The following ULK4 variants were observed in gnomAD, a reference collection of about 807,000 sequenced individuals.
ULK4 encodes inactive serine/threonine-protein kinase ULK4.
A neutral mutation model predicts 160.6 loss-of-function variants in ULK4; 133 were observed. That is an observed-to-expected ratio of 0.83 (90% CI 0.72 to 0.96). ULK4 has a LOEUF of 0.96. Among genes scored for constraint, ULK4 ranks in the 40% least tolerant of loss-of-function variants. The probability of loss-of-function intolerance (pLI) is 0.00; values close to 1 mark genes in which losing one functional copy is unlikely to be tolerated. For synonymous variants in ULK4, 534 were observed against 539.8 expected (o/e 0.99, Z 0.15); for missense variants, 1,580 against 1,499.5 (o/e 1.05, Z -0.89).
chr3:41,716,988 TA>T (rs1178149626), intron 23 of ULK4, among the ~76,000 whole-genome samples: 2 of 152,058 alleles, frequency 1.3e-5, no homozygotes, highest in Non-Finnish European at 2.9e-5. Context: ...TTGTGGGAGT[TA>T]AAAAATGATT....
intron 18 of ULK4, among the ~76,000 whole-genome samples, chr3:41,833,334 C>T (rs751651166): frequency 1.0e-4 from 15 of 146,474 alleles, no homozygotes; most frequent in Non-Finnish European, 1.6e-4. Context: ...CTTGCTCTGT[C>T]GCCCAGGCTG....
chr3:41,312,829 T>G (rs2080077390), intron 35 of ULK4, among the ~76,000 whole-genome samples: 1 of 151,704 alleles, frequency 6.6e-6, no homozygotes, highest in African/African-American at 2.4e-5. Flanking sequence ...CAAAAACTAA[T>G]CAACCAAACA....
At chr3:41,343,778 C>G (rs55726924) in intron 35 of ULK4, among the ~76,000 whole-genome samples, 8,605 of 152,136 alleles carry the variant, frequency 0.057, 593 homozygotes, top group East Asian at 0.2. Flanking sequence ...AAATACCCAG[C>G]AATAGAGCTA....
rs542219438 is a variant in ULK4 at position 41,376,856 on chromosome 3, C to T, written c.3678+21223G>A. Among the ~76,000 whole-genome samples, 115 of 149,964 alleles carry T rather than the reference C, an allele frequency of 7.7e-4. 10 individuals carry two copies. The highest frequency in any genetic ancestry group is 2.8e-3 in the African/African-American group (112 of 40,132). On this transcript the variant is annotated intron_variant, in intron 35 of 36. Transcript: ENST00000301831. ...AACAAGCTACCAATGACTTTCTTCA[C>T]AGAATTGGAAAAAACTACTTTCAAG...
chr3:41,559,458 T>C (rs1452167976), intron 32 of ULK4, among the ~76,000 whole-genome samples: 3 of 149,764 alleles, frequency 2.0e-5, no homozygotes, highest in African/African-American at 7.3e-5. Context: ...CACACTGTCT[T>C]CCACAATGGT....
At chr3:41,372,487 T>C (rs1465761288) in intron 35 of ULK4, among the ~76,000 whole-genome samples, 1 of 152,184 alleles carries the variant, frequency 6.6e-6, no homozygotes, top group Non-Finnish European at 1.5e-5. Context: ...TGGGGGCCAA[T>C]ATTCAACATT....
At chr3:41,943,138 G>A (rs1427471820) in intron 2 of ULK4, among the ~76,000 whole-genome samples, 14 of 151,050 alleles carry the variant, frequency 9.3e-5, no homozygotes, top group Non-Finnish European at 1.5e-4. Context: ...GCGTGAACCC[G>A]GCAGGCGGAG....
At chr3:41,573,036 C>G (rs555824524) in intron 31 of ULK4, among the ~76,000 whole-genome samples, 2 of 152,286 alleles carry the variant, frequency 1.3e-5, no homozygotes, top group South Asian at 2.1e-4. Flanking sequence ...TCATCCATAA[C>G]CCATAAGCCC....
chr3:41,484,073 C>T (rs2084420358), intron 32 of ULK4, among the ~76,000 whole-genome samples: 1 of 152,134 alleles, frequency 6.6e-6, no homozygotes, highest in South Asian at 2.1e-4. Flanking sequence ...AAGGAAGTAG[C>T]GAACATAATT....
chr3:41,823,900 C>T (rs555477157), intron 18 of ULK4, among the ~76,000 whole-genome samples: 24 of 152,216 alleles, frequency 1.6e-4, no homozygotes, highest in Admixed American at 3.9e-4. Flanking sequence ...TGGTGGCTCA[C>T]GCCTATAATC....
At chr3:41,534,851 G>C (rs2086443365) in intron 32 of ULK4, among the ~76,000 whole-genome samples, 1 of 152,106 alleles carries the variant, frequency 6.6e-6, no homozygotes. Flanking sequence ...GCCTATATAT[G>C]AGAAAAGTTA....
chr3:41,640,500 C>G (rs192156879), intron 30 of ULK4, among the ~76,000 whole-genome samples: 2 of 152,322 alleles, frequency 1.3e-5, no homozygotes, highest in East Asian at 3.9e-4. Context: ...GCCTAAGGCT[C>G]TTCCTAGCAA....
At chr3:41,686,801 A>G (rs74350535) in intron 27 of ULK4, among the ~76,000 whole-genome samples, 3,446 of 152,314 alleles carry the variant, frequency 0.023, 116 homozygotes, top group African/African-American at 0.073. Context: ...AACACAGTTA[A>G]GTATGACTAC....
chr3:41,428,825 A>G (rs1428330477), intron 34 of ULK4, among the ~76,000 whole-genome samples: 1 of 152,214 alleles, frequency 6.6e-6, no homozygotes, highest in East Asian at 1.9e-4. Flanking sequence ...AACCTAGGCA[A>G]TACCATTCAG....
intron 30 of ULK4, among the ~76,000 whole-genome samples, chr3:41,619,086 TA>T (rs1426540170): frequency 1.1e-4 from 16 of 152,256 alleles, no homozygotes; most frequent in Non-Finnish European, 2.9e-5. Flanking sequence ...CTACCTGTGC[TA>T]AATATATATG....
chr3:41,686,406 C>T (rs1163298407), intron 27 of ULK4, among the ~76,000 whole-genome samples: 2 of 152,044 alleles, frequency 1.3e-5, no homozygotes, highest in Non-Finnish European at 2.9e-5. Flanking sequence ...TGTTTAATCA[C>T]CAGAAACAAA....
At chr3:41,390,511 T>C (rs1010340559) in intron 35 of ULK4, among the ~76,000 whole-genome samples, 6 of 152,204 alleles carry the variant, frequency 3.9e-5, no homozygotes, top group Non-Finnish European at 8.8e-5. Flanking sequence ...TTTAGTGCTA[T>C]AAATTTCCCT....
At position 41,717,870 on chromosome 3, in the gene ULK4, A is replaced by G. The variant is rs1353949835; in HGVS notation, c.2322-9T>C. ...CGATGTACATCACCAGTCTACATAC[A>G]GGAAAGTGCAAAGATTACCTCTCAT... On this transcript the variant is annotated splice_polypyrimidine_tract_variant and intron_variant, in intron 22 of 36. Transcript: ENST00000301831. 1 of 1,613,242 alleles carries G rather than the reference A, an allele frequency of 6.2e-7. No individual in the cohort carries two copies. Among genetic ancestry groups the G allele is most frequent in the Non-Finnish European group, 8.5e-7 (1 of 1,179,358 alleles).
At chr3:41,666,631 C>T (rs2035359391) in intron 29 of ULK4, among the ~76,000 whole-genome samples, 1 of 152,144 alleles carries the variant, frequency 6.6e-6, no homozygotes, top group African/African-American at 2.4e-5. Context: ...CTCCTTGTTC[C>T]CACTCCAAGA....
Sources: allele counts gnomAD v4.1 joint callset (sites outside exome capture counted in the v4.1 genomes callset), GRCh38; gene constraint gnomAD v4.1.1; transcripts MANE v1.5; gene names NCBI Gene and HGNC (gene_info 2026-07-23, HGNC 2026-07-21).